The following ADGRV1 variants were observed in gnomAD, a reference collection of about 807,000 sequenced individuals.
ADGRV1 encodes the protein adhesion G protein-coupled receptor V1, also known as G-protein coupled receptor 98.
A neutral mutation model predicts 596.2 loss-of-function variants in ADGRV1; 359 were observed. The observed-to-expected ratio is 0.60, with a 90% CI of 0.55 to 0.66. The LOEUF (loss-of-function observed/expected upper bound fraction) is 0.66, where lower values mean the gene tolerates loss of function less well. ADGRV1 is among the 30% of genes least tolerant of loss of function. ADGRV1 has a pLI of 0.00. For missense variants in ADGRV1, 7,274 were observed against 7,575.6 expected, an observed-to-expected ratio of 0.96 and a Z score of 1.48; for synonymous variants, 2,681 against 2,679.2, an observed-to-expected ratio of 1.00 and a Z score of -0.02.
At chr5:91,044,319 G>A (rs1473908126) in intron 85 of ADGRV1, among the ~76,000 whole-genome samples, 1 of 152,020 alleles carries the variant, frequency 6.6e-6, no homozygotes, top group Admixed American at 6.6e-5. Context: ...CAGTATAAAT[G>A]AAGTAAAACA....
In ADGRV1 at chr5:90,610,796, C is replaced by T. The variant is rs191841096; in HGVS notation, c.23-4039C>T. Among the ~76,000 whole-genome samples the T allele has an allele frequency of 1.1e-3, 171 of 152,076 alleles. 1 individual carries two copies. Among genetic ancestry groups the T allele is most frequent in the Non-Finnish European group, 9.4e-4 (64 of 67,900 alleles). The stretch of plus-strand genomic sequence containing the variant: ...TAGAGCACAAAACGTAATTTATTGT[C>T]TCAGAAACTGAAAACTCTAGGATAA... On this transcript the variant is annotated intron_variant, in intron 1 of 89. Coordinates refer to ENST00000405460, the MANE Select transcript of ADGRV1 (RefSeq NM_032119.4).
chr5:90,923,945 A>G (rs1481309975), intron 83 of ADGRV1, among the ~76,000 whole-genome samples: 2 of 151,904 alleles, frequency 1.3e-5, no homozygotes, highest in African/African-American at 2.4e-5. Context: ...CCATGTCCCT[A>G]CAAAGGACAT....
At chr5:90,871,309 T>C (rs1454049422) in intron 83 of ADGRV1, among the ~76,000 whole-genome samples, 1 of 152,236 alleles carries the variant, frequency 6.6e-6, no homozygotes, top group Non-Finnish European at 1.5e-5. Context: ...TATTTAAGGC[T>C]ACATTTTCCT....
At chr5:91,022,129 C>T (rs1783685539) in intron 85 of ADGRV1, among the ~76,000 whole-genome samples, 1 of 152,106 alleles carries the variant, frequency 6.6e-6, no homozygotes, top group South Asian at 2.1e-4. Flanking sequence ...TTACTAATCA[C>T]AGTCCTCCAA....
chr5:90,873,511 C>T (rs931948510), intron 83 of ADGRV1, among the ~76,000 whole-genome samples: 1 of 152,098 alleles, frequency 6.6e-6, no homozygotes, highest in Admixed American at 6.5e-5. Flanking sequence ...CCCAACCCCC[C>T]GTTTATTCTC....
chr5:90,793,985 C>T (rs893643328), intron 70 of ADGRV1, among the ~76,000 whole-genome samples: 1 of 152,190 alleles, frequency 6.6e-6, no homozygotes, highest in Admixed American at 6.5e-5. Context: ...GTGTGACATG[C>T]ACTTAAACCA....
At chr5:90,772,745 T>G (rs1175794874) in intron 59 of ADGRV1, among the ~76,000 whole-genome samples, 1 of 152,116 alleles carries the variant, frequency 6.6e-6, no homozygotes, top group Non-Finnish European at 1.5e-5. Context: ...CTTGGAGAAA[T>G]TACTGTACAT....
intron 86 of ADGRV1, among the ~76,000 whole-genome samples, chr5:91,076,074 C>A (rs1431270938): frequency 1.3e-5 from 2 of 152,130 alleles, no homozygotes; most frequent in Non-Finnish European, 2.9e-5. Flanking sequence ...GGGCTTATCA[C>A]CTTCCCATAT....
chr5:91,040,002 A>G (rs1203815676), intron 85 of ADGRV1, among the ~76,000 whole-genome samples: 1 of 152,158 alleles, frequency 6.6e-6, no homozygotes, highest in East Asian at 1.9e-4. Flanking sequence ...ACCTATGAAG[A>G]TGAGTAATGG....
At chr5:91,019,769 A>T (rs899620476) in intron 85 of ADGRV1, among the ~76,000 whole-genome samples, 1 of 152,064 alleles carries the variant, frequency 6.6e-6, no homozygotes, top group Non-Finnish European at 1.5e-5. Flanking sequence ...CCCTTAAAAA[A>T]TGATTATTTT....
At chr5:91,145,560 T>A (rs1795464758) in intron 87 of ADGRV1, among the ~76,000 whole-genome samples, 1 of 152,206 alleles carries the variant, frequency 6.6e-6, no homozygotes, top group Admixed American at 6.5e-5. Flanking sequence ...TCAGGAAGAT[T>A]TGTTTCTGCT....
At chr5:90,781,663 T>C (rs1758868390) in intron 65 of ADGRV1, 85 bp downstream of exon 65, 2 of 1,302,190 alleles carry the variant, frequency 1.5e-6, no homozygotes, top group Admixed American at 2.3e-5. Flanking sequence ...TAAATTGTTT[T>C]AGTTTGGTGT....
At chr5:91,071,607 G>A (rs570312200) in intron 85 of ADGRV1, among the ~76,000 whole-genome samples, 3 of 152,184 alleles carry the variant, frequency 2.0e-5, no homozygotes, top group African/African-American at 4.8e-5. Flanking sequence ...GAATTATTTC[G>A]GTTAATCTTG....
chr5:90,635,361 A>C (rs1161232625), intron 10 of ADGRV1, 71 bp downstream of exon 10: 3 of 1,362,068 alleles, frequency 2.2e-6, no homozygotes, highest in Non-Finnish European at 1.0e-6. Context: ...TTTTTAAAAT[A>C]AGATCAGCAT....
intron 81 of ADGRV1, among the ~76,000 whole-genome samples, chr5:90,854,613 A>G (rs1179242511): frequency 6.6e-6 from 1 of 152,218 alleles, no homozygotes; most frequent in Non-Finnish European, 1.5e-5. Context: ...ATTCTAGTCC[A>G]CATGGCTTGA....
chr5:90,634,244 A>G (rs1042375471), intron 9 of ADGRV1, among the ~76,000 whole-genome samples: 1 of 152,206 alleles, frequency 6.6e-6, no homozygotes, highest in Non-Finnish European at 1.5e-5. Context: ...TTTGTGATTT[A>G]TCAGAATTCT....
chr5:90,829,271 A>C, intron 77 of ADGRV1, 85 bp downstream of exon 77: 2 of 1,105,542 alleles, frequency 1.8e-6, no homozygotes, highest in Non-Finnish European at 2.4e-6. Flanking sequence ...AATAATTGAT[A>C]CATTATTTTC....
chr5:90,811,413 A>T, intron 74 of ADGRV1, 75 bp downstream of exon 74: 1 of 1,316,348 alleles, frequency 7.6e-7, no homozygotes, highest in Non-Finnish European at 1.0e-6. Context: ...ATCTAGCTTA[A>T]ATTTAATGGA....
chr5:90,772,796 TA>T (rs1381704847), intron 59 of ADGRV1, among the ~76,000 whole-genome samples: 1 of 152,188 alleles, frequency 6.6e-6, no homozygotes, highest in Non-Finnish European at 1.5e-5. Context: ...ATATTATTTG[TA>T]ATAGTAAATA....
Sources: gnomAD v4.1 joint callset for allele counts (sites outside exome capture counted in the v4.1 genomes callset) on GRCh38, gnomAD v4.1.1 for gene constraint, MANE v1.5 for transcripts, NCBI Gene and HGNC (gene_info 2026-07-23, HGNC 2026-07-21) for gene names.